SHANK2: variants seen among roughly 807,000 people sequenced by gnomAD.
The protein encoded by SHANK2 is SH3 and multiple ankyrin repeat domains protein 2.
SHANK2 carries 43 observed loss-of-function variants against 133.7 expected under a neutral mutation model. That is an observed-to-expected ratio of 0.32 (90% CI 0.25 to 0.41). The LOEUF is 0.41. Ranked by LOEUF, SHANK2 falls within the 10% of genes least tolerant of loss-of-function variation. SHANK2 has a pLI of 1.00. For synonymous variants in SHANK2, 1,017 were observed against 952.8 expected (o/e 1.07, Z -1.24); for missense variants, 1,994 against 2,235.8 (o/e 0.89, Z 2.18).
intron 2 of SHANK2, among the ~76,000 whole-genome samples, chr11:71,151,394 T>C (rs1412183057): frequency 2.0e-5 from 3 of 152,188 alleles, no homozygotes; most frequent in African/African-American, 7.2e-5. Context: ...CAGCAGGCAC[T>C]CCGGCCTCAC....
At chr11:71,110,393 G>A (rs1428692251) in intron 5 of SHANK2, among the ~76,000 whole-genome samples, 2 of 152,086 alleles carry the variant, frequency 1.3e-5, no homozygotes, top group Non-Finnish European at 2.9e-5. Flanking sequence ...AGCCGAGATC[G>A]CGCCACTGCA....
intron 17 of SHANK2, among the ~76,000 whole-genome samples, chr11:70,588,427 G>T (rs1344276858): frequency 6.6e-6 from 1 of 152,168 alleles, no homozygotes; most frequent in Non-Finnish European, 1.5e-5. Flanking sequence ...CAAAGAAAAA[G>T]CTCTTGAAAG....
chr11:71,215,302 C>T (rs982339434), intron 2 of SHANK2, among the ~76,000 whole-genome samples: 20 of 152,172 alleles, frequency 1.3e-4, no homozygotes, highest in African/African-American at 4.6e-4. Flanking sequence ...TCCCCCTGCC[C>T]CCTGCGTCTG....
At chr11:70,889,785 C>A (rs1949810922) in intron 11 of SHANK2, among the ~76,000 whole-genome samples, 1 of 152,078 alleles carries the variant, frequency 6.6e-6, no homozygotes, top group Admixed American at 6.5e-5. Context: ...AGGACCAGGA[C>A]CAGGACCAGG....
At chr11:70,871,882 C>A (rs754303761) in intron 11 of SHANK2, among the ~76,000 whole-genome samples, 4 of 152,200 alleles carry the variant, frequency 2.6e-5, no homozygotes, top group Non-Finnish European at 5.9e-5. Flanking sequence ...CGCATCCCAT[C>A]CTCCATAACA....
chr11:71,132,601 A>G (rs1228045775), intron 3 of SHANK2, among the ~76,000 whole-genome samples: 5 of 152,196 alleles, frequency 3.3e-5, no homozygotes, highest in Non-Finnish European at 7.3e-5. Flanking sequence ...AACTGGGCCA[A>G]TCTCTCCCAT....
chr11:70,591,933 C>T (rs571386612), intron 17 of SHANK2, among the ~76,000 whole-genome samples: 9 of 151,944 alleles, frequency 5.9e-5, no homozygotes, highest in East Asian at 3.9e-4. Context: ...GCAGGAGAAC[C>T]GCTGAAACCG....
intron 17 of SHANK2, among the ~76,000 whole-genome samples, chr11:70,505,011 T>C (rs369808074): frequency 6.6e-6 from 1 of 152,126 alleles, no homozygotes; most frequent in African/African-American, 2.4e-5. Context: ...TGTCTCTGCC[T>C]CCATCTGTGG....
At chr11:70,729,519 T>G (rs533271223) in intron 14 of SHANK2, among the ~76,000 whole-genome samples, 1 of 151,546 alleles carries the variant, frequency 6.6e-6, no homozygotes, top group South Asian at 2.1e-4. Context: ...CACTGTGTAC[T>G]TTCTTCATTT....
intron 17 of SHANK2, among the ~76,000 whole-genome samples, chr11:70,606,711 C>T (rs1306974448): frequency 6.6e-6 from 1 of 151,954 alleles, no homozygotes; most frequent in African/African-American, 2.4e-5. Context: ...TAGGTCCTGG[C>T]TTGGGGTTAG....
chr11:70,531,071 G>A (rs1466030732), intron 17 of SHANK2, among the ~76,000 whole-genome samples: 1 of 145,442 alleles, frequency 6.9e-6, no homozygotes, highest in East Asian at 2.1e-4. Flanking sequence ...TGTAATCCCA[G>A]CTACTTGGTG....
intron 17 of SHANK2, among the ~76,000 whole-genome samples, chr11:70,505,476 G>T (rs1320703914): frequency 6.6e-6 from 1 of 152,100 alleles, no homozygotes; most frequent in South Asian, 2.1e-4. Context: ...GCCCCCAGCT[G>T]CCTGGCCACT....
chr11:71,093,871 C>T (rs550226225), intron 7 of SHANK2, among the ~76,000 whole-genome samples: 18 of 152,304 alleles, frequency 1.2e-4, no homozygotes, highest in South Asian at 4.1e-4. Flanking sequence ...CAACCTGCAG[C>T]GGCACGTCCC....
At chr11:70,654,073 C>G (rs562436920) in intron 17 of SHANK2, 1 of 152,246 alleles carries the variant, frequency 6.6e-6, no homozygotes, top group African/African-American at 2.4e-5. Flanking sequence ...ATGTAATTAG[C>G]AAACTCGAGC....
intron 3 of SHANK2, among the ~76,000 whole-genome samples, chr11:71,141,584 C>T (rs1313889933): frequency 1.3e-5 from 2 of 152,142 alleles, no homozygotes; most frequent in Non-Finnish European, 2.9e-5. Flanking sequence ...GCCTCCCCAG[C>T]CATGTGGAAC....
chr11:71,142,785 G>A (rs116164735), intron 3 of SHANK2, among the ~76,000 whole-genome samples: 1,836 of 151,490 alleles, frequency 0.012, 39 homozygotes, highest in African/African-American at 0.042. Context: ...GTGTAGCAAC[G>A]GAAGCCACTT....
chr11:70,863,691 T>C (rs1186214266), intron 11 of SHANK2: 2 of 421,316 alleles, frequency 4.7e-6, no homozygotes, highest in African/African-American at 4.1e-5. Flanking sequence ...GAAGAGGCAC[T>C]GGCACCCCGT....
intron 17 of SHANK2, among the ~76,000 whole-genome samples, chr11:70,654,627 C>A (rs1264809903): frequency 2.6e-5 from 4 of 152,156 alleles, no homozygotes; most frequent in Admixed American, 1.3e-4. Flanking sequence ...TCCTTGTAAA[C>A]ATCATTTTTA....
chr11:70,605,227 C>T (rs1397826358), intron 17 of SHANK2, among the ~76,000 whole-genome samples: 1 of 152,260 alleles, frequency 6.6e-6, no homozygotes, highest in Non-Finnish European at 1.5e-5. Context: ...CTGGAAGATG[C>T]TCTCCCTGCT....
Sources: allele counts gnomAD v4.1 joint callset (sites outside exome capture counted in the v4.1 genomes callset), GRCh38; gene constraint gnomAD v4.1.1; transcripts MANE v1.5; gene names NCBI Gene and HGNC (gene_info 2026-07-23, HGNC 2026-07-21).